The following CDKAL1 variants were observed in gnomAD, a reference collection of about 807,000 sequenced individuals.
The protein encoded by CDKAL1 is threonylcarbamoyladenosine tRNA methylthiotransferase.
Under a neutral mutation model 68.2 loss-of-function variants are expected in CDKAL1, and 32 were observed. That is an observed-to-expected ratio of 0.47 (90% CI 0.35 to 0.63). CDKAL1 has a LOEUF of 0.63. Ranked by LOEUF, CDKAL1 falls within the 30% of genes least tolerant of loss-of-function variation. The pLI is 0.00. For missense variants in CDKAL1, 606 were observed against 696.7 expected (o/e 0.87, Z 1.47); for synonymous variants, 234 against 244.3 (o/e 0.96, Z 0.39).
intron 5 of CDKAL1, among the ~76,000 whole-genome samples, chr6:20,739,282 T>C (rs1773339224): frequency 6.6e-6 from 1 of 152,236 alleles, no homozygotes; most frequent in South Asian, 2.1e-4. Flanking sequence ...TGTTTTATAA[T>C]GAGACGGTAA....
intron 11 of CDKAL1, among the ~76,000 whole-genome samples, chr6:21,051,999 C>T (rs1474347123): frequency 1.3e-5 from 2 of 152,166 alleles, no homozygotes; most frequent in Non-Finnish European, 2.9e-5. Context: ...AATGAATGCC[C>T]AGGTCACACT....
chr6:21,044,908 A>G (rs977910445), intron 11 of CDKAL1, among the ~76,000 whole-genome samples: 2 of 152,210 alleles, frequency 1.3e-5, no homozygotes, highest in African/African-American at 4.8e-5. Flanking sequence ...TCAAGGCACC[A>G]GCAGGTTCAG....
At chr6:20,682,934 C>T (rs1222672331) in intron 5 of CDKAL1, among the ~76,000 whole-genome samples, 3 of 147,154 alleles carry the variant, frequency 2.0e-5, no homozygotes, top group Non-Finnish European at 4.5e-5. Context: ...AAAATAGTAG[C>T]TCTTTTCTTT....
At position 20,889,671 on chromosome 6, in the gene CDKAL1, A is replaced by G. The variant is rs185081471; in HGVS notation, c.742+43493A>G. ...TTTGTCAAAGAACAGATGGTTGTAG[A>G]TGTGTGGTGTTATTTCTGAGTGCTC... On this transcript the variant is annotated intron_variant, in intron 9 of 15. Transcript: ENST00000274695. Among the ~76,000 whole-genome samples, 5 of 152,124 alleles carry G rather than the reference A, an allele frequency of 3.3e-5. No individual in the cohort carries two copies. In the East Asian group the frequency reaches 7.7e-4, roughly 23 times the overall value.
chr6:20,917,044 G>C (rs1762752783), intron 9 of CDKAL1, among the ~76,000 whole-genome samples: 1 of 152,170 alleles, frequency 6.6e-6, no homozygotes, highest in Admixed American at 6.5e-5. Context: ...GCAATGGCAT[G>C]GTCTTGGCTC....
chr6:20,673,748 C>CT (rs1769959159), intron 5 of CDKAL1, among the ~76,000 whole-genome samples: 1 of 152,138 alleles, frequency 6.6e-6, no homozygotes, highest in Admixed American at 6.5e-5. Flanking sequence ...AACAAGCTCT[C>CT]TTTTTTCCTG....
At chr6:20,934,674 A>G (rs138787122) in intron 9 of CDKAL1, among the ~76,000 whole-genome samples, 65 of 151,974 alleles carry the variant, frequency 4.3e-4, no homozygotes, top group African/African-American at 1.5e-3. Context: ...GTGACACCCC[A>G]TCTCTACAAA....
At chr6:20,952,849 A>T (rs1452799072) in intron 9 of CDKAL1, among the ~76,000 whole-genome samples, 1 of 152,216 alleles carries the variant, frequency 6.6e-6, no homozygotes, top group Non-Finnish European at 1.5e-5. Flanking sequence ...AGGCATGGGG[A>T]TTCCACATTT....
chr6:21,003,103 A>T (rs185714650), intron 11 of CDKAL1, among the ~76,000 whole-genome samples: 4 of 152,030 alleles, frequency 2.6e-5, no homozygotes, highest in Admixed American at 2.0e-4. Context: ...TCCCATGAGG[A>T]CAGTATAATC....
intron 15 of CDKAL1, among the ~76,000 whole-genome samples, chr6:21,218,546 C>G (rs1180215062): frequency 1.3e-5 from 2 of 152,224 alleles, no homozygotes; most frequent in Non-Finnish European, 2.9e-5. Flanking sequence ...TGGGGAGGAT[C>G]TGCTTCTAAG....
chr6:21,137,028 C>A (rs1391506865), intron 13 of CDKAL1, among the ~76,000 whole-genome samples: 2 of 152,134 alleles, frequency 1.3e-5, no homozygotes, highest in Admixed American at 1.3e-4. Flanking sequence ...CCCTCGCCCC[C>A]ACCCCTTACT....
chr6:20,723,074 G>A (rs1036648498), intron 5 of CDKAL1, among the ~76,000 whole-genome samples: 1 of 152,146 alleles, frequency 6.6e-6, no homozygotes, highest in Non-Finnish European at 1.5e-5. Flanking sequence ...ACCCAGAAAG[G>A]CTGCCACACA....
intron 5 of CDKAL1, among the ~76,000 whole-genome samples, chr6:20,719,606 G>A (rs1003566460): frequency 6.6e-6 from 1 of 152,006 alleles, no homozygotes; most frequent in East Asian, 1.9e-4. Context: ...TTTAATTTTA[G>A]AGTATTTTTA....
intron 5 of CDKAL1, among the ~76,000 whole-genome samples, chr6:20,669,565 C>A (rs1414142162): frequency 6.6e-6 from 1 of 151,696 alleles, no homozygotes; most frequent in Non-Finnish European, 1.5e-5. Context: ...TCAGCTTATA[C>A]TAATGAGAAT....
intron 11 of CDKAL1, among the ~76,000 whole-genome samples, chr6:21,061,828 T>TA (rs930009383): frequency 6.6e-5 from 10 of 152,336 alleles, no homozygotes; most frequent in Middle Eastern, 6.8e-3. Flanking sequence ...AGTCTCTACT[T>TA]AAAAAACATT....
chr6:21,132,182 C>A (rs1775362726), intron 13 of CDKAL1, among the ~76,000 whole-genome samples: 1 of 152,042 alleles, frequency 6.6e-6, no homozygotes, highest in South Asian at 2.1e-4. Flanking sequence ...ACAGAAAGAT[C>A]TCTTTGCACA....
intron 2 of CDKAL1, among the ~76,000 whole-genome samples, chr6:20,538,164 T>C (rs1424109692): frequency 6.6e-6 from 1 of 152,194 alleles, no homozygotes; most frequent in Non-Finnish European, 1.5e-5. Flanking sequence ...TTTGTATCAG[T>C]GAGGCAGCTG....
intron 7 of CDKAL1, among the ~76,000 whole-genome samples, chr6:20,763,012 A>G (rs1336509361): frequency 6.6e-6 from 1 of 152,066 alleles, no homozygotes; most frequent in Non-Finnish European, 1.5e-5. Context: ...TGTGCTTTAC[A>G]TTTACTTGAT....
At chr6:20,658,460 A>G (rs868082813) in intron 5 of CDKAL1, among the ~76,000 whole-genome samples, 43 of 152,338 alleles carry the variant, frequency 2.8e-4, no homozygotes, top group African/African-American at 8.4e-4. Flanking sequence ...GAGACAGAGG[A>G]TATCTGCTTT....
Sources: allele counts gnomAD v4.1 joint callset (sites outside exome capture counted in the v4.1 genomes callset), GRCh38; gene constraint gnomAD v4.1.1; transcripts MANE v1.5; gene names NCBI Gene and HGNC (gene_info 2026-07-23, HGNC 2026-07-21).